Variants in METTL15 observed in about 807,000 individuals in gnomAD.
METTL15 encodes the protein methyltransferase 15, mitochondrial 12S rRNA N4-cytidine, also known as 12S rRNA N(4)-cytidine methyltransferase METTL15.
In METTL15, 34 loss-of-function variants were observed where a neutral mutation model predicts 38.3. The observed-to-expected ratio is 0.89, with a 90% CI of 0.68 to 1.18. METTL15 has a LOEUF of 1.18. Among genes scored for constraint, METTL15 ranks in the 50% most tolerant of loss-of-function variants. The pLI is 0.00. For missense variants in METTL15, 438 were observed against 498.4 expected (o/e 0.88, Z 1.15); for synonymous variants, 162 against 170.9 (o/e 0.95, Z 0.41).
intron 6 of METTL15, among the ~76,000 whole-genome samples, chr11:28,300,379 T>C (rs141122894): frequency 6.6e-6 from 1 of 152,192 alleles, no homozygotes; most frequent in African/African-American, 2.4e-5. Context: ...AATAATTCAG[T>C]AGGACAAGGA....
At chr11:28,411,767 G>T (rs1452559822) in intron 5 of METTL15, among the ~76,000 whole-genome samples, 2 of 151,920 alleles carry the variant, frequency 1.3e-5, no homozygotes, top group Non-Finnish European at 2.9e-5. Context: ...CTAAAAATCT[G>T]CACAGCAGAG....
At chr11:28,150,772 A>G (rs1850055272) in intron 3 of METTL15, among the ~76,000 whole-genome samples, 1 of 151,872 alleles carries the variant, frequency 6.6e-6, no homozygotes, top group Non-Finnish European at 1.5e-5. Context: ...TGCCTTTTCA[A>G]GAGTTGAGAC....
intron 3 of METTL15, among the ~76,000 whole-genome samples, chr11:28,143,717 T>C (rs1849780337): frequency 6.6e-6 from 1 of 152,214 alleles, no homozygotes; most frequent in African/African-American, 2.4e-5. Flanking sequence ...TTAATGATTT[T>C]TGTCATGTAA....
chr11:28,502,105 A>AAAAAAAAAAG, intron 6 of METTL15, among the ~76,000 whole-genome samples: 2 of 151,690 alleles, frequency 1.3e-5, no homozygotes, highest in South Asian at 4.2e-4. Flanking sequence ...TGTCTCAAAA[A>AAAAAAAAAAG]AAAAAAAAAG....
At chr11:28,210,485 AT>A (rs776019109) in intron 3 of METTL15, among the ~76,000 whole-genome samples, 14 of 150,004 alleles carry the variant, frequency 9.3e-5, no homozygotes, top group African/African-American at 2.0e-4. Flanking sequence ...CTTGAAAAGC[AT>A]TTTTTTTTCT....
At chr11:28,116,866 C>T (rs1367762355) in intron 3 of METTL15, among the ~76,000 whole-genome samples, 1 of 152,066 alleles carries the variant, frequency 6.6e-6, no homozygotes, top group Non-Finnish European at 1.5e-5. Context: ...AACTCCTGGG[C>T]TCAGGTGATC....
At chr11:28,386,047 G>T (rs1410626125) in intron 5 of METTL15, among the ~76,000 whole-genome samples, 4 of 152,008 alleles carry the variant, frequency 2.6e-5, no homozygotes, top group Non-Finnish European at 5.9e-5. Context: ...CTAAATAGAT[G>T]ATTATAACTA....
chr11:28,455,952 C>T lies in METTL15; in HGVS notation c.*424+31588C>T, dbSNP rs187962204. 4.4e-4 allele frequency among the ~76,000 whole-genome samples: 67 copies of T among 152,178 alleles called. 1 individual carries two copies. In the East Asian group the frequency reaches 6.6e-3, roughly 15 times the overall value. Reference sequence around the variant, plus strand: ...CAATCTCCTGACCTCGTGATCTGCCCGCTTTGGCCTCCCAAAGTGCTGGGA... The same window carrying T: ...CAATCTCCTGACCTCGTGATCTGCCTGCTTTGGCCTCCCAAAGTGCTGGGA... On this transcript the variant is annotated intron_variant and NMD_transcript_variant, in intron 6 of 7. Coordinates refer to the METTL15 transcript ENST00000532947.
At chr11:28,318,558 G>A (rs1470857532) in intron 6 of METTL15, among the ~76,000 whole-genome samples, 1 of 152,136 alleles carries the variant, frequency 6.6e-6, no homozygotes, top group Admixed American at 6.5e-5. Flanking sequence ...ATAACAACAA[G>A]TGTATTTTAA....
At chr11:28,123,214 T>G (rs567953051) in intron 3 of METTL15, among the ~76,000 whole-genome samples, 1 of 152,260 alleles carries the variant, frequency 6.6e-6, no homozygotes, top group East Asian at 1.9e-4. Flanking sequence ...CTTGTTACTC[T>G]CTAGGTCAGC....
chr11:28,138,415 C>T (rs923813272), intron 3 of METTL15, among the ~76,000 whole-genome samples: 1 of 152,080 alleles, frequency 6.6e-6, no homozygotes, highest in African/African-American at 2.4e-5. Context: ...TTAGCCATGC[C>T]AAGTGGCCAA....
chr11:28,193,445 G>T (rs1851774376), intron 3 of METTL15, among the ~76,000 whole-genome samples: 1 of 151,990 alleles, frequency 6.6e-6, no homozygotes, highest in Admixed American at 6.6e-5. Flanking sequence ...ATCGGATCTT[G>T]TAAGAACTCT....
intron 3 of METTL15, among the ~76,000 whole-genome samples, chr11:28,116,809 G>T (rs1172369170): frequency 2.0e-5 from 3 of 152,056 alleles, no homozygotes; most frequent in Non-Finnish European, 4.4e-5. Flanking sequence ...TGTCTCTGTT[G>T]TTGAGGCTGA....
chr11:28,116,921 C>G (rs888573893), intron 3 of METTL15, among the ~76,000 whole-genome samples: 1 of 152,082 alleles, frequency 6.6e-6, no homozygotes, highest in African/African-American at 2.4e-5. Context: ...TGGGTGTGAG[C>G]TGCTGCACCC....
chr11:28,396,431 G>A (rs1005696156), intron 5 of METTL15, among the ~76,000 whole-genome samples: 1 of 152,106 alleles, frequency 6.6e-6, no homozygotes, highest in Non-Finnish European at 1.5e-5. Flanking sequence ...AAAATCACAA[G>A]CATTCTTATA....
chr11:28,499,538 A>G (rs907243931), intron 6 of METTL15, among the ~76,000 whole-genome samples: 3 of 152,228 alleles, frequency 2.0e-5, no homozygotes, highest in African/African-American at 7.2e-5. Flanking sequence ...TCTAATATCA[A>G]TCAAAACTGT....
intron 6 of METTL15, among the ~76,000 whole-genome samples, chr11:28,484,690 T>G (rs866163608): frequency 1.6e-4 from 24 of 152,162 alleles, no homozygotes; most frequent in South Asian, 2.1e-4. Flanking sequence ...TTGACAACCT[T>G]TATGCTGGCT....
chr11:28,380,967 G>A (rs1850377103), intron 5 of METTL15, among the ~76,000 whole-genome samples: 1 of 151,348 alleles, frequency 6.6e-6, no homozygotes, highest in Non-Finnish European at 1.5e-5. Flanking sequence ...CTTTTCTCTT[G>A]TTACTCTTAG....
At chr11:28,413,352 C>A (rs1254377072) in intron 5 of METTL15, among the ~76,000 whole-genome samples, 1 of 151,946 alleles carries the variant, frequency 6.6e-6, no homozygotes, top group African/African-American at 2.4e-5. Context: ...ACAAACTAAA[C>A]TTTTGGACTA....
Sources: allele counts gnomAD v4.1 joint callset (sites outside exome capture counted in the v4.1 genomes callset), GRCh38; gene constraint gnomAD v4.1.1; transcripts MANE v1.5; gene names NCBI Gene and HGNC (gene_info 2026-07-23, HGNC 2026-07-21).